Variants in NEGR1 observed in about 807,000 individuals in gnomAD.
NEGR1 encodes IgLON family member 4.
NEGR1 carries 10 observed loss-of-function variants against 40.9 expected under a neutral mutation model. The observed-to-expected ratio is 0.24, with a 90% CI of 0.15 to 0.42. The LOEUF (loss-of-function observed/expected upper bound fraction) is 0.42. Ranked by LOEUF, NEGR1 falls within the 10% of genes least tolerant of loss-of-function variation. The pLI is 1.00. For synonymous variants in NEGR1, 185 were observed against 166.8 expected, an observed-to-expected ratio of 1.11 and a Z score of -0.84; for missense variants, 352 against 438.9, an observed-to-expected ratio of 0.80 and a Z score of 1.77.
chr1:72,144,871 C>G (rs949929750), intron 1 of NEGR1, among the ~76,000 whole-genome samples: 1 of 152,030 alleles, frequency 6.6e-6, no homozygotes, highest in African/African-American at 2.4e-5. Context: ...AATATCTCTC[C>G]CTTTAGAAAA....
chr1:71,545,673 T>C (rs1647871054), intron 6 of NEGR1, among the ~76,000 whole-genome samples: 2 of 151,620 alleles, frequency 1.3e-5, no homozygotes, highest in Non-Finnish European at 3.0e-5. Flanking sequence ...AATATTTCTA[T>C]TTTCTATGGA....
intron 6 of NEGR1, among the ~76,000 whole-genome samples, chr1:71,578,922 T>A (rs1289440490): frequency 6.6e-6 from 1 of 152,062 alleles, no homozygotes; most frequent in Non-Finnish European, 1.5e-5. Context: ...ATAAGTACAT[T>A]GAGGAATATC....
At chr1:71,921,284 C>A (rs1289144016) in intron 2 of NEGR1, among the ~76,000 whole-genome samples, 2 of 152,126 alleles carry the variant, frequency 1.3e-5, no homozygotes, top group Non-Finnish European at 2.9e-5. Flanking sequence ...ATATTTACAA[C>A]TCAAAACCAC....
chr1:71,816,558 A>G (rs1169990192), intron 2 of NEGR1, among the ~76,000 whole-genome samples: 2 of 152,012 alleles, frequency 1.3e-5, no homozygotes, highest in Admixed American at 6.6e-5. Context: ...CTTATTTACT[A>G]TCATGAGAAC....
At chr1:71,928,391 CATATGTATAT>C in intron 2 of NEGR1, among the ~76,000 whole-genome samples, 2 of 133,226 alleles carry the variant, frequency 1.5e-5, no homozygotes, top group Non-Finnish European at 3.2e-5. Context: ...TATATACACA[CATATGTATAT>C]ATGTGTATGT....
chr1:72,027,228 A>G (rs1485348161), intron 1 of NEGR1, among the ~76,000 whole-genome samples: 2 of 152,026 alleles, frequency 1.3e-5, no homozygotes, highest in Middle Eastern at 3.4e-3. Context: ...ACCCGGCCCA[A>G]GACTCATGTT....
intron 1 of NEGR1, among the ~76,000 whole-genome samples, chr1:72,050,877 T>A (rs1647053291): frequency 6.6e-6 from 1 of 151,512 alleles, no homozygotes; most frequent in Admixed American, 6.6e-5. Flanking sequence ...AGAAGCCCAC[T>A]TAGAGTAGAA....
intron 1 of NEGR1, among the ~76,000 whole-genome samples, chr1:71,941,637 A>G (rs931676607): frequency 6.6e-5 from 10 of 152,146 alleles, no homozygotes; most frequent in African/African-American, 9.6e-5. Flanking sequence ...TGAAGTCCTC[A>G]TCCTTAGAGA....
At chr1:71,418,245 C>T (rs1338100104) in intron 6 of NEGR1, among the ~76,000 whole-genome samples, 1 of 151,656 alleles carries the variant, frequency 6.6e-6, no homozygotes, top group African/African-American at 2.4e-5. Flanking sequence ...GAGAATGCAA[C>T]TTTCAAAAAC....
intron 6 of NEGR1, among the ~76,000 whole-genome samples, chr1:71,473,086 A>C (rs1170510418): frequency 6.6e-6 from 1 of 152,070 alleles, no homozygotes; most frequent in Admixed American, 6.6e-5. Flanking sequence ...CTTGTCTAAA[A>C]GAAATTTCAC....
intron 6 of NEGR1, among the ~76,000 whole-genome samples, chr1:71,560,505 T>G (rs964613676): frequency 6.8e-6 from 1 of 146,896 alleles, no homozygotes; most frequent in Non-Finnish European, 1.5e-5. Context: ...AAAACTGCTA[T>G]CAGATTGGGA....
intron 2 of NEGR1, among the ~76,000 whole-genome samples, chr1:71,906,206 T>G (rs1212342607): frequency 6.6e-6 from 1 of 151,990 alleles, no homozygotes; most frequent in African/African-American, 2.4e-5. Flanking sequence ...TTTTATGCCT[T>G]TGATATAATG....
intron 2 of NEGR1, among the ~76,000 whole-genome samples, chr1:71,850,215 G>T (rs1361574331): frequency 6.6e-6 from 1 of 152,050 alleles, no homozygotes; most frequent in Non-Finnish European, 1.5e-5. Context: ...GAGTGCAGTG[G>T]TTTGAGTTTG....
At chr1:72,098,590 A>G (rs1648803374) in intron 1 of NEGR1, among the ~76,000 whole-genome samples, 1 of 152,098 alleles carries the variant, frequency 6.6e-6, no homozygotes, top group Non-Finnish European at 1.5e-5. Context: ...CCTACTTTGC[A>G]AGACCTACGT....
At chr1:72,274,616 G>A in intron 1 of NEGR1, 1 of 797,352 alleles carries the variant, frequency 1.3e-6, no homozygotes. Context: ...CCACTCTATG[G>A]CCTTGGAGAA....
intron 6 of NEGR1, among the ~76,000 whole-genome samples, chr1:71,578,712 G>T (rs1353000380): frequency 6.6e-6 from 1 of 152,052 alleles, no homozygotes; most frequent in South Asian, 2.1e-4. Context: ...ATGAATTAAT[G>T]AATAGACTAA....
chr1:72,005,896 A>T (rs1646602682), intron 1 of NEGR1, among the ~76,000 whole-genome samples: 1 of 152,172 alleles, frequency 6.6e-6, no homozygotes, highest in African/African-American at 2.4e-5. Flanking sequence ...AATAATGTAT[A>T]CAATAATGTT....
intron 1 of NEGR1, among the ~76,000 whole-genome samples, chr1:72,019,775 T>TA (rs1463212221): frequency 1.3e-5 from 2 of 152,236 alleles, no homozygotes; most frequent in African/African-American, 4.8e-5. Context: ...CATTTTAACC[T>TA]AAAATCATTC....
At chr1:71,692,341 G>A (rs1247355764) in intron 4 of NEGR1, among the ~76,000 whole-genome samples, 1 of 151,428 alleles carries the variant, frequency 6.6e-6, no homozygotes, top group Non-Finnish European at 1.5e-5. Context: ...AAGCAGATAT[G>A]AAAGATGAAG....
Sources: gnomAD v4.1 joint callset for allele counts (sites outside exome capture counted in the v4.1 genomes callset) on GRCh38, gnomAD v4.1.1 for gene constraint, MANE v1.5 for transcripts, NCBI Gene and HGNC (gene_info 2026-07-23, HGNC 2026-07-21) for gene names.